PCDHA8: variants seen among roughly 807,000 people sequenced by gnomAD.
PCDHA8 encodes the protein protocadherin alpha 8, also known as protocadherin alpha-8.
A neutral mutation model predicts 61.8 loss-of-function variants in PCDHA8; 53 were observed. The ratio of observed to expected loss-of-function variants is 0.86; its 90% CI spans 0.69 to 1.08. The LOEUF (loss-of-function observed/expected upper bound fraction) is 1.08. Among genes scored for constraint, PCDHA8 ranks in the 50% least tolerant of loss-of-function variants. The probability of loss-of-function intolerance (pLI) is 0.00; values close to 1 mark genes in which losing one functional copy is unlikely to be tolerated. For synonymous variants in PCDHA8, 618 were observed against 556.6 expected (o/e 1.11, Z -1.55); for missense variants, 1,293 against 1,245.0 (o/e 1.04, Z -0.58).
chr5:140,876,118 G>A (rs2153337008), intron 1 of PCDHA8: 1 of 1,613,926 alleles, frequency 6.2e-7, no homozygotes, highest in South Asian at 1.1e-5. Flanking sequence ...GATGGTAATC[G>A]ATGGCGGTAA....
intron 1 of PCDHA8, chr5:140,967,804 A>G (rs1168632160): frequency 6.2e-7 from 1 of 1,614,090 alleles, no homozygotes; most frequent in Admixed American, 1.7e-5. Flanking sequence ...TGCCCATGGC[A>G]GGTCACTGCA....
At chr5:140,886,916 G>A (rs1170747823) in intron 1 of PCDHA8, among the ~76,000 whole-genome samples, 1 of 151,436 alleles carries the variant, frequency 6.6e-6, no homozygotes, top group Non-Finnish European at 1.5e-5. Flanking sequence ...CTTATTGAGT[G>A]TTCTCTATGT....
intron 1 of PCDHA8, chr5:140,876,227 C>T (rs782218758): frequency 2.5e-6 from 4 of 1,613,794 alleles, no homozygotes; most frequent in South Asian, 2.2e-5. Flanking sequence ...GTAGTGTTGT[C>T]TGAAAATGTC....
chr5:140,994,962 T>C (rs2097657475), intron 3 of PCDHA8, among the ~76,000 whole-genome samples: 2 of 152,208 alleles, frequency 1.3e-5, no homozygotes, highest in Admixed American at 1.3e-4. Flanking sequence ...TGTAGTTTCA[T>C]TTGTTGGCCA....
At chr5:140,870,273 C>G (rs1307506968) in intron 1 of PCDHA8, 3 of 1,614,192 alleles carry the variant, frequency 1.9e-6, no homozygotes, top group South Asian at 2.2e-5. Flanking sequence ...CGCTGACGCC[C>G]CACGTTCCCT....
At chr5:140,862,874 T>C in intron 1 of PCDHA8, 2 of 568,426 alleles carry the variant, frequency 3.5e-6, no homozygotes, top group Non-Finnish European at 3.4e-6. Flanking sequence ...CTGCCAGGTA[T>C]TAGTGCTGGA....
At position 141,011,492 on chromosome 5, in the gene PCDHA8, A is replaced by T. The variant is rs2098420803; in HGVS notation, c.*1555A>T. On this transcript the variant is annotated 3_prime_UTR_variant, in exon 4 of 4. Coordinates refer to ENST00000531613, the MANE Select transcript of PCDHA8 (RefSeq NM_018911.3). ...AATTCCATTATATTTCCTTTTGTAC[A>T]CCTGTGAAAAAGTGGAGTAGTGTTT... The T allele has an allele frequency of 1.3e-5, 2 of 153,698 alleles. No individual in the cohort carries two copies. The highest frequency in any genetic ancestry group is 2.9e-5 in the Non-Finnish European group (2 of 68,026). 9.5% of individuals were successfully genotyped at this position (153,698 alleles called of 1,614,324 possible).
chr5:140,884,745 A>G (rs1479357916), intron 1 of PCDHA8: 20 of 1,431,734 alleles, frequency 1.4e-5, no homozygotes, highest in Non-Finnish European at 1.7e-5. Context: ...TTTCCTGCCA[A>G]TTTCAAATTA....
intron 1 of PCDHA8, among the ~76,000 whole-genome samples, chr5:140,970,970 T>C (rs1554232920): frequency 1.3e-5 from 2 of 152,170 alleles, no homozygotes; most frequent in African/African-American, 2.4e-5. Flanking sequence ...GATTGTAGAT[T>C]AAGAAAAATG....
At chr5:140,966,593 A>G in intron 1 of PCDHA8, 1 of 595,648 alleles carries the variant, frequency 1.7e-6, no homozygotes, top group Non-Finnish European at 2.6e-6. Context: ...CGGTGGGGCC[A>G]GGAGCCCTTG....
intron 1 of PCDHA8, chr5:140,867,533 T>C (rs2050017163): frequency 6.6e-6 from 1 of 152,110 alleles, no homozygotes. Flanking sequence ...AATATATATA[T>C]AAAATATTAG....
chr5:140,883,222 A>T lies in PCDHA8; in HGVS notation c.2394+39507A>T, dbSNP rs1164969110. ...TCGAAGAAAAGAAATTATATGAAATATCCGTGGAGGCAGTTGACAAAGGAA... is the reference window on the plus strand; with the variant it reads ...TCGAAGAAAAGAAATTATATGAAATTTCCGTGGAGGCAGTTGACAAAGGAA... On this transcript the variant is annotated intron_variant, in intron 1 of 3. Transcript: ENST00000531613. 8.7e-6 allele frequency: 14 copies of T among 1,613,970 alleles called. No homozygotes were observed. The African/African-American group carries it at 1.7e-4, about 20-fold the overall frequency.
rs1554262808 is a variant in PCDHA8, at chr5:141,010,232, A to T, written c.*295A>T. On this transcript the variant is annotated 3_prime_UTR_variant, in exon 4 of 4. Coordinates refer to ENST00000531613, the MANE Select transcript of PCDHA8 (RefSeq NM_018911.3). ...AAAGGAGAGGCTTCCCAGCCCCGCC[A>T]GTGAGAGGTTGGACTCTCTGCCCTG... 6.4e-7 allele frequency: 1 copy of T among 1,551,952 alleles called. No homozygotes were observed. The highest frequency in any genetic ancestry group is 2.0e-5 in the Admixed American group (1 of 51,018).
intron 3 of PCDHA8, among the ~76,000 whole-genome samples, chr5:140,993,609 T>C (rs1554253871): frequency 6.6e-6 from 1 of 152,078 alleles, no homozygotes; most frequent in African/African-American, 2.4e-5. Flanking sequence ...GAGAATTTTG[T>C]TGGGACCCTC....
chr5:140,965,238 A>G (rs540671197), intron 1 of PCDHA8, among the ~76,000 whole-genome samples: 3 of 152,196 alleles, frequency 2.0e-5, no homozygotes, highest in Non-Finnish European at 2.9e-5. Context: ...ACCTGGGAAG[A>G]GTGAATATTC....
chr5:140,870,918 G>A, intron 1 of PCDHA8: 1 of 1,613,956 alleles, frequency 6.2e-7, no homozygotes, highest in Non-Finnish European at 8.5e-7. Context: ...ACAACGCGTG[G>A]CTTTCATATG....
chr5:140,844,390 A>G (rs1233880656), intron 1 of PCDHA8, among the ~76,000 whole-genome samples: 1 of 149,636 alleles, frequency 6.7e-6, no homozygotes, highest in Non-Finnish European at 1.5e-5. Flanking sequence ...TTCATTATTT[A>G]GACCATTTTA....
rs782607699 is a variant in PCDHA8, at chr5:140,926,577, C to A, written c.2395-52372C>A. ...CAGCCCGCTGCTACTGGAGACAGCA[C>A]CTCTCGCGCCCGGGCGGGCGGCCTC... On this transcript the variant is annotated intron_variant, in intron 1 of 3. Coordinates refer to ENST00000531613, the MANE Select transcript of PCDHA8 (RefSeq NM_018911.3). The A allele has an allele frequency of 2.5e-5, 7 of 275,464 alleles. No individual in the cohort carries two copies. In the Middle Eastern group the frequency reaches 3.1e-3, roughly 122 times the overall value. The allele number at this position is 275,464 out of a possible 1,614,324, so 17.1% of individuals were successfully genotyped here. A position where few individuals can be genotyped will look rare whatever the true frequency, so the allele number is the denominator to read the frequency against.
At chr5:140,967,589 T>C (rs782348275) in intron 1 of PCDHA8, 20 of 1,613,912 alleles carry the variant, frequency 1.2e-5, no homozygotes, top group African/African-American at 1.2e-4. Context: ...CCCAGGCACA[T>C]TGGTGGTGAA....
Sources: allele counts gnomAD v4.1 joint callset (sites outside exome capture counted in the v4.1 genomes callset), GRCh38; gene constraint gnomAD v4.1.1; transcripts MANE v1.5; gene names NCBI Gene and HGNC (gene_info 2026-07-23, HGNC 2026-07-21).